USP37: variants seen among roughly 807,000 people sequenced by gnomAD.
The protein encoded by USP37 is ubiquitin specific peptidase 37, also known as ubiquitin carboxyl-terminal hydrolase 37.
Under a neutral mutation model 124.0 loss-of-function variants are expected in USP37, and 27 were observed. That is an observed-to-expected ratio of 0.22 (90% confidence interval 0.16 to 0.30). USP37 has a LOEUF of 0.30. USP37 is among the 10% of genes least tolerant of loss of function. The pLI, the probability that USP37 is intolerant of heterozygous loss-of-function variation, is 1.00. For missense variants in USP37, 889 were observed against 1,140.4 expected (o/e 0.78, Z 3.17); for synonymous variants, 365 against 388.0 (o/e 0.94, Z 0.70).
chr2:218,455,423 A>G (rs1000879280), intron 25 of USP37, among the ~76,000 whole-genome samples, 157 bp downstream of exon 25: 2 of 152,174 alleles, frequency 1.3e-5, no homozygotes, highest in Non-Finnish European at 1.5e-5. Flanking sequence ...ACTTACAAGG[A>G]AATATCAAGA....
intron 19 of USP37, among the ~76,000 whole-genome samples, chr2:218,475,245 T>A (rs913492317): frequency 3.3e-5 from 5 of 152,236 alleles, no homozygotes; most frequent in Non-Finnish European, 7.3e-5. Flanking sequence ...AAATATTCTA[T>A]CATTATGCCT....
At chr2:218,525,660 C>T (rs940231613) in intron 10 of USP37, among the ~76,000 whole-genome samples, 3 of 152,036 alleles carry the variant, frequency 2.0e-5, no homozygotes, top group Non-Finnish European at 4.4e-5. Flanking sequence ...TATTTTCTTT[C>T]GGGTAGCTTC....
intron 3 of USP37, 76 bp from the exon 4 acceptor site, chr2:218,558,753 A>G: frequency 8.9e-7 from 1 of 1,125,918 alleles, no homozygotes; most frequent in Non-Finnish European, 1.3e-6. Context: ...ATAACTTACT[A>G]GTAATTAATT....
intron 1 of USP37, among the ~76,000 whole-genome samples, chr2:218,565,287 A>C (rs778790379): frequency 6.6e-6 from 1 of 152,208 alleles, no homozygotes; most frequent in Non-Finnish European, 1.5e-5. Flanking sequence ...TGCTTTATTT[A>C]TGGAAATCTC....
intron 8 of USP37, among the ~76,000 whole-genome samples, chr2:218,541,322 C>T (rs926417438): frequency 1.3e-5 from 2 of 152,156 alleles, no homozygotes; most frequent in Non-Finnish European, 2.9e-5. Context: ...AGTTACCATA[C>T]TGGCAGGGGT....
rs1429357009 is a variant in USP37, at chr2:218,450,910, A to C, written c.*4020T>G. 6.6e-6 allele frequency: 1 copy of C among 152,220 alleles called. No homozygotes were observed. The allele number at this position is 152,220 out of a possible 1,614,324, so 9.4% of individuals were successfully genotyped here. On this transcript the variant is annotated 3_prime_UTR_variant, in exon 26 of 26. Transcript: ENST00000258399. ...TCAGACATATAGCACACATGGAGAC[A>C]ACTTACTAATTGTGTGTAAGTATGA...
chr2:218,514,898 T>C (rs1690189876), intron 10 of USP37, among the ~76,000 whole-genome samples: 1 of 152,208 alleles, frequency 6.6e-6, no homozygotes, highest in Non-Finnish European at 1.5e-5. Flanking sequence ...TTTTTTTCTA[T>C]AGGTTTAATC....
At chr2:218,561,531 G>A (rs367871398) in intron 2 of USP37, among the ~76,000 whole-genome samples, 5 of 151,872 alleles carry the variant, frequency 3.3e-5, no homozygotes, top group African/African-American at 4.8e-5. Context: ...GGTGGCGTGC[G>A]CCTGTAATTC....
At chr2:218,564,831 G>A in intron 1 of USP37, among the ~76,000 whole-genome samples, 1 of 152,272 alleles carries the variant, frequency 6.6e-6, no homozygotes, top group East Asian at 1.9e-4. Flanking sequence ...CCAAATGCTT[G>A]TGTTTGGTAT....
chr2:218,470,815 T>C (rs1474037569), intron 20 of USP37, among the ~76,000 whole-genome samples: 1 of 152,168 alleles, frequency 6.6e-6, no homozygotes, highest in Non-Finnish European at 1.5e-5. Flanking sequence ...AACTGTTAAG[T>C]CACAGATATT....
intron 4 of USP37, among the ~76,000 whole-genome samples, chr2:218,557,311 C>T (rs1011669736): frequency 6.6e-6 from 1 of 152,026 alleles, no homozygotes; most frequent in African/African-American, 2.4e-5. Context: ...TTTGGTTAAA[C>T]ATTTGAATAT....
intron 2 of USP37, among the ~76,000 whole-genome samples, chr2:218,561,805 G>T (rs1026489865): frequency 4.6e-5 from 7 of 152,086 alleles, no homozygotes; most frequent in African/African-American, 7.2e-5. Context: ...GTGACGTAGA[G>T]GCCCTTCAGG....
rs60749670 is a variant in USP37 at position 218,485,635 on chromosome 2, CAAAAAAAAAAAAAA to C, written c.1670+15_1670+28del. On this transcript the variant is annotated intron_variant, in intron 16 of 25. Transcript: ENST00000258399. ...TACCTGGGAATTCTTTAGTCCATAG[CAAAAAAAAAAAAAA>C]AAAAAAAAAATTACCTAGGAAGCCT... 88 of 1,298,550 alleles carry C rather than the reference CAAAAAAAAAAAAAA, an allele frequency of 6.8e-5. No individual in the cohort carries two copies. Among genetic ancestry groups the C allele is most frequent in the East Asian group, 6.1e-4 (23 of 37,978 alleles). 80.4% of individuals were successfully genotyped at this position (1,298,550 alleles called of 1,614,324 possible).
chr2:218,495,920 C>T lies in USP37; in HGVS notation c.1312G>A (p.Asp438Asn). The change falls in exon 14 of 26, where the codon GAC (aspartate) becomes AAC (asparagine). Residue 438 changes from aspartate to asparagine, a missense_variant. By Grantham distance (23) the Asp-to-Asn change is conservative. Coordinates refer to ENST00000258399, the MANE Select transcript of USP37 (RefSeq NM_020935.3). ...DAHEFLSQCL[D>N]QLKEDMEKLN... ...TTTTCCATATCTTCTTTCAGCTGGTCCAAACACTGACTTAAAAATTCATGA... is the reference window on the plus strand; with the variant it reads ...TTTTCCATATCTTCTTTCAGCTGGTTCAAACACTGACTTAAAAATTCATGA... 1 of 1,611,286 alleles carries T rather than the reference C, an allele frequency of 6.2e-7. No homozygotes were observed. The highest frequency in any genetic ancestry group is 8.5e-7 in the Non-Finnish European group (1 of 1,179,442).
rs1690873457 is a variant in USP37, at chr2:218,474,756, T to C, written c.2173A>G (p.Ser725Gly). 2 of 1,614,196 alleles carry C rather than the reference T, an allele frequency of 1.2e-6. No homozygotes were observed. Among genetic ancestry groups the C allele is most frequent in the Non-Finnish European group, 1.7e-6 (2 of 1,180,032 alleles). Residue 725 changes from serine to glycine, a missense_variant, in exon 20 of 26, where the codon AGT (serine) becomes GGT (glycine). Ser to Gly is a moderately conservative substitution (Grantham distance 56, BLOSUM62 0). This residue lies in a region of USP37 where 504 missense variants were observed against 714.3 expected (regional missense o/e 0.71). Coordinates refer to ENST00000258399, the MANE Select transcript of USP37 (RefSeq NM_020935.3). ...ISKRDASPSL[S>G]HEDDDKPTSS... ...GTTGGCTTATCATCATCTTCATGAC[T>C]CAGAGATGGTGAAGCATCTCTCTTA...
intron 8 of USP37, among the ~76,000 whole-genome samples, chr2:218,544,900 T>C (rs1692237725): frequency 6.6e-6 from 1 of 152,184 alleles, no homozygotes; most frequent in Non-Finnish European, 1.5e-5. Flanking sequence ...GAATGCAAAT[T>C]AACATGCCTT....
chr2:218,467,898 T>TTG (rs969936570), intron 20 of USP37, among the ~76,000 whole-genome samples: 2 of 151,806 alleles, frequency 1.3e-5, no homozygotes, highest in African/African-American at 4.8e-5. Flanking sequence ...TTTGTTTTTT[T>TTG]TTTTTTTAAG....
intron 6 of USP37, among the ~76,000 whole-genome samples, chr2:218,549,173 A>G (rs943534047): frequency 3.9e-5 from 6 of 152,200 alleles, no homozygotes; most frequent in Non-Finnish European, 8.8e-5. Context: ...AAGTCAAAAT[A>G]TATCAAATTG....
chr2:218,463,439 A>G (rs186030504), intron 21 of USP37, 73 bp from the exon 22 acceptor site: 100 of 1,381,224 alleles, frequency 7.2e-5, no homozygotes, highest in Non-Finnish European at 9.7e-5. Flanking sequence ...GGATAAAATC[A>G]GTTTCTCTGG....
Sources: allele counts gnomAD v4.1 joint callset (sites outside exome capture counted in the v4.1 genomes callset), GRCh38; gene constraint gnomAD v4.1.1; regional missense constraint gnomAD v4.1.1; transcripts MANE v1.5; gene names NCBI Gene and HGNC (gene_info 2026-07-23, HGNC 2026-07-21).